The following SNX4 variants were observed in gnomAD, a reference collection of about 807,000 sequenced individuals.
The protein encoded by SNX4 is sorting nexin-4.
SNX4 carries 49 observed loss-of-function variants against 70.8 expected under a neutral mutation model. That is an observed-to-expected ratio of 0.69 (90% CI 0.55 to 0.88). The LOEUF (loss-of-function observed/expected upper bound fraction) is 0.88. Among genes scored for constraint, SNX4 ranks in the 40% least tolerant of loss-of-function variants. The probability of loss-of-function intolerance (pLI) is 0.00; values close to 1 mark genes in which losing one functional copy is unlikely to be tolerated. For missense variants in SNX4, 528 were observed against 544.8 expected, an observed-to-expected ratio of 0.97 and a Z score of 0.31; for synonymous variants, 206 against 183.8, an observed-to-expected ratio of 1.12 and a Z score of -0.98.
At chr3:125,451,779 A>G (rs923075346) in intron 12 of SNX4, among the ~76,000 whole-genome samples, 2 of 152,066 alleles carry the variant, frequency 1.3e-5, no homozygotes, top group Non-Finnish European at 2.9e-5. Flanking sequence ...GGCACACGCC[A>G]CTACGCCCAA....
intron 1 of SNX4, among the ~76,000 whole-genome samples, chr3:125,511,606 G>C (rs1212587427): frequency 6.6e-6 from 1 of 152,146 alleles, no homozygotes; most frequent in Non-Finnish European, 1.5e-5. Context: ...CTGCAGAAAG[G>C]TTTCAAATAC....
At position 125,497,911 on chromosome 3, in the gene SNX4, A is replaced by C; in HGVS notation, c.472T>G (p.Leu158Val). 1 of 1,614,196 alleles carries C rather than the reference A, an allele frequency of 6.2e-7. No individual in the cohort carries two copies. The highest frequency in any genetic ancestry group is 1.3e-5 in the African/African-American group (1 of 75,068). ...GCAATCCTCAAGAGAAAGTTTTCTA[A>C]ACCAATCCGTCGCCTCTCCACAAAA... is the stretch of plus-strand genomic sequence containing the variant. ...PDFVERRRIGLENFLLRIASH... is the reference protein window; with the variant it reads ...PDFVERRRIGVENFLLRIASH... The change falls in exon 4 of 14, where the codon TTA (leucine) becomes GTA (valine). Residue 158 changes from leucine to valine, a missense_variant. Coordinates refer to ENST00000251775, the MANE Select transcript of SNX4 (RefSeq NM_003794.4).
intron 9 of SNX4, among the ~76,000 whole-genome samples, chr3:125,467,084 CA>C (rs538874424): frequency 0.21 from 15,386 of 74,470 alleles, 750 homozygotes; most frequent in East Asian, 0.25. Context: ...CTCTGTCTTC[CA>C]AAAAAAAAAA....
chr3:125,481,895 C>T (rs1934420001), intron 6 of SNX4, among the ~76,000 whole-genome samples: 1 of 148,562 alleles, frequency 6.7e-6, no homozygotes, highest in African/African-American at 2.5e-5. Flanking sequence ...TTCTTTCCTT[C>T]TTTTTTTTTT....
At chr3:125,495,277 T>TATATATATATATATACACACAC in intron 5 of SNX4, among the ~76,000 whole-genome samples, 2 of 99,616 alleles carry the variant, frequency 2.0e-5, no homozygotes, top group Admixed American at 2.5e-4. Flanking sequence ...TATATATATA[T>TATATATATATATATACACACAC]ACACATACAC....
rs1559810628 is a variant in SNX4 at position 125,460,866 on chromosome 3, T to TAA, written c.855-7_855-6insTT. On this transcript the variant is annotated splice_polypyrimidine_tract_variant and splice_region_variant and intron_variant, in intron 9 of 13. Transcript: ENST00000251775. ...CATCAATAGAAGATGCATACCTGTTTTAAAAAAAAAAACACACATTGCATA... is the reference window on the plus strand; with the variant it reads ...CATCAATAGAAGATGCATACCTGTTTAATAAAAAAAAAAACACACATTGCATA... 2 of 1,373,944 alleles carry TAA rather than the reference T, an allele frequency of 1.5e-6. No homozygotes were observed. The highest frequency in any genetic ancestry group is 2.3e-5 in the Admixed American group (1 of 44,030). The allele number at this position is 1,373,944 out of a possible 1,614,324, so 85.1% of individuals were successfully genotyped here.
intron 11 of SNX4, among the ~76,000 whole-genome samples, chr3:125,455,768 C>T (rs768196488): frequency 2.0e-4 from 31 of 152,228 alleles, no homozygotes; most frequent in Non-Finnish European, 4.1e-4. Context: ...AATCCCAGCA[C>T]TTTGGGTGGC....
At chr3:125,451,665 T>C (rs1933577516) in intron 12 of SNX4, among the ~76,000 whole-genome samples, 1 of 152,296 alleles carries the variant, frequency 6.6e-6, no homozygotes, top group Non-Finnish European at 1.5e-5. Flanking sequence ...CTCACTCTGT[T>C]GCCCAGGCTG....
At chr3:125,467,013 G>A (rs1180489576) in intron 9 of SNX4, among the ~76,000 whole-genome samples, 1 of 150,404 alleles carries the variant, frequency 6.6e-6, no homozygotes, top group Non-Finnish European at 1.5e-5. Context: ...ACCCCGGGAG[G>A]TAGAGGTTGC....
Position 125,497,398 on chromosome 3 carries a change from G to T in SNX4, c.550-10C>A. 1 of 1,569,524 alleles carries T rather than the reference G, an allele frequency of 6.4e-7. No homozygotes were observed. On this transcript the variant is annotated splice_polypyrimidine_tract_variant and intron_variant, in intron 4 of 13. Coordinates refer to ENST00000251775, the MANE Select transcript of SNX4 (RefSeq NM_003794.4). ...CCTTCCAGTTACCTTCCTAAAAATT[G>T]AAGTTAATTTTAGAAATCATTATTG...
intron 2 of SNX4, among the ~76,000 whole-genome samples, chr3:125,503,177 G>C (rs890177044): frequency 1.3e-5 from 2 of 152,158 alleles, no homozygotes; most frequent in African/African-American, 4.8e-5. Flanking sequence ...AAAGTGCGGA[G>C]ATTACAGGCA....
At chr3:125,512,563 T>C (rs1371677474) in intron 1 of SNX4, among the ~76,000 whole-genome samples, 1 of 152,170 alleles carries the variant, frequency 6.6e-6, no homozygotes, top group Non-Finnish European at 1.5e-5. Flanking sequence ...ACCATAATTG[T>C]TAAAAGGACA....
chr3:125,464,407 G>A (rs138015340), intron 9 of SNX4, among the ~76,000 whole-genome samples: 39 of 150,534 alleles, frequency 2.6e-4, no homozygotes, highest in African/African-American at 7.8e-4. Flanking sequence ...TGTATGAGCC[G>A]AATTGAATTA....
chr3:125,489,583 T>C, intron 5 of SNX4, 120 bp from the exon 6 acceptor site: 4 of 708,948 alleles, frequency 5.6e-6, no homozygotes, highest in Non-Finnish European at 9.7e-6. Flanking sequence ...TCAATTGTTG[T>C]AAACACATTA....
In SNX4 at chr3:125,460,774, A is replaced by G; in HGVS notation, c.941T>C (p.Leu314Ser). The change falls in exon 10 of 14, where the codon TTG becomes TCG. Residue 314 changes from leucine to serine, a missense_variant. Coordinates refer to ENST00000251775, the MANE Select transcript of SNX4 (RefSeq NM_003794.4). ...CTGGAACTTTTATTAAACTTACCGC[A>G]ATGCTTCTGCATAAAAAAGATACTC... is the stretch of plus-strand genomic sequence containing the variant. ...LKEYLFYAEA[L>S]RAVCRKHELM... 1 of 1,514,694 alleles carries G rather than the reference A, an allele frequency of 6.6e-7. No homozygotes were observed. Among genetic ancestry groups the G allele is most frequent in the Non-Finnish European group, 8.9e-7 (1 of 1,118,310 alleles). The allele number at this position is 1,514,694 out of a possible 1,614,324, so 93.8% of individuals were successfully genotyped here.
At position 125,447,737 on chromosome 3, in the gene SNX4, G is replaced by C. The variant is rs1158494431; in HGVS notation, c.*42C>G. The C allele has an allele frequency of 1.4e-6, 2 of 1,467,846 alleles. No homozygotes were observed. Among genetic ancestry groups the C allele is most frequent in the Admixed American group, 1.9e-5 (1 of 53,358 alleles). 90.9% of individuals were successfully genotyped at this position (1,467,846 alleles called of 1,614,324 possible). On this transcript the variant is annotated 3_prime_UTR_variant, in exon 14 of 14. Transcript: ENST00000251775. ...ATTTCTTTTATTTACTTGTGCTTCT[G>C]TTTTGGGGCACTTTGATTGAAGAGA... is the stretch of plus-strand genomic sequence containing the variant.
chr3:125,500,603 G>A (rs1488714637), intron 2 of SNX4, among the ~76,000 whole-genome samples: 4 of 151,514 alleles, frequency 2.6e-5, no homozygotes, highest in Admixed American at 6.6e-5. Flanking sequence ...AGATCAAGAC[G>A]ATCCTGGCTA....
chr3:125,520,030 A>T lies in SNX4; in HGVS notation c.141+2T>A. ...GAGGGCTCTGCCGCCCCTTCTCCTC[A>T]CCGTGTCGACCCCAGAGCTCTCTTC... On this transcript the variant is annotated splice_donor_variant, in intron 1 of 13. Coordinates refer to ENST00000251775, the MANE Select transcript of SNX4 (RefSeq NM_003794.4). LOFTEE classifies it high-confidence loss of function. 6.5e-7 allele frequency: 1 copy of T among 1,528,242 alleles called. No homozygotes were observed. The highest frequency in any genetic ancestry group is 8.8e-7 in the Non-Finnish European group (1 of 1,137,118). The allele number at this position is 1,528,242 out of a possible 1,614,324, so 94.7% of individuals were successfully genotyped here. A position where few individuals can be genotyped will look rare whatever the true frequency, so the allele number is the denominator to read the frequency against.
chr3:125,500,106 G>T (rs983780316), intron 2 of SNX4, among the ~76,000 whole-genome samples: 1 of 151,748 alleles, frequency 6.6e-6, no homozygotes, highest in African/African-American at 2.4e-5. Context: ...AAAAGGCAGG[G>T]TCTAGTAGTT....
Sources: gnomAD v4.1 joint callset for allele counts (sites outside exome capture counted in the v4.1 genomes callset) on GRCh38, gnomAD v4.1.1 for gene constraint, MANE v1.5 for transcripts, NCBI Gene and HGNC (gene_info 2026-07-23, HGNC 2026-07-21) for gene names.